SLC9A3: variants seen among roughly 807,000 people sequenced by gnomAD.
SLC9A3 encodes solute carrier family 9 member A3.
A neutral mutation model predicts 86.8 loss-of-function variants in SLC9A3; 37 were observed. The ratio of observed to expected loss-of-function variants is 0.43; its 90% CI spans 0.33 to 0.56. The LOEUF is 0.56. SLC9A3 is among the 20% of genes least tolerant of loss of function. The pLI, the probability that SLC9A3 is intolerant of heterozygous loss-of-function variation, is 0.06. For synonymous variants in SLC9A3, 581 were observed against 528.3 expected (o/e 1.10, Z -1.37); for missense variants, 1,011 against 1,171.9 (o/e 0.86, Z 2.00).
In SLC9A3 at chr5:514,616, G is replaced by A. The variant is rs150571350; in HGVS notation, c.211+9496C>T. Among the ~76,000 whole-genome samples the A allele has an allele frequency of 8.6e-4, 131 of 152,352 alleles. 1 individual carries two copies. In the South Asian group the frequency reaches 0.01, roughly 12 times the overall value. On this transcript the variant is annotated intron_variant, in intron 1 of 16. Coordinates refer to ENST00000264938, the MANE Select transcript of SLC9A3 (RefSeq NM_004174.4). ...GTTCTAAGGGGAATCTGCCTTCACCGTCTGGTCAGCCCCGTGTCCTCTGCA... is the reference window on the plus strand; with the variant it reads ...GTTCTAAGGGGAATCTGCCTTCACCATCTGGTCAGCCCCGTGTCCTCTGCA...
intron 1 of SLC9A3, among the ~76,000 whole-genome samples, chr5:498,691 C>T (rs367963458): frequency 2.0e-5 from 3 of 152,054 alleles, no homozygotes; most frequent in South Asian, 2.1e-4. Flanking sequence ...CGTGAGCCAC[C>T]GTGCCTGGCC....
rs1391525898 is a variant in SLC9A3 at position 488,386 on chromosome 5, T to C, written c.605A>G (p.Glu202Gly). 2 of 1,611,960 alleles carry C rather than the reference T, an allele frequency of 1.2e-6. No individual in the cohort carries two copies. Among genetic ancestry groups the C allele is most frequent in the Non-Finnish European group, 1.7e-6 (2 of 1,179,438 alleles). ...GAACAGGACCTCGTTGACATGGACC[T>C]CCTCAAACACGGCCAGGACGGCCAC... ...DPVAVLAVFE[E>G]VHVNEVLFII... The change falls in exon 3 of 17, where the codon GAG becomes GGG. Residue 202 changes from glutamate (E) to glycine (G), a missense_variant. By Grantham distance (98) the Glu-to-Gly change is moderately conservative. Transcript: ENST00000264938.
intron 10 of SLC9A3, chr5:477,790 G>C (rs920418606): frequency 1.8e-5 from 4 of 225,662 alleles, no homozygotes; most frequent in African/African-American, 9.3e-5. Context: ...CATTGAAGTG[G>C]TCTCTGTCCC....
At chr5:492,512 C>A (rs113593180) in intron 1 of SLC9A3, among the ~76,000 whole-genome samples, 162 of 152,024 alleles carry the variant, frequency 1.1e-3, no homozygotes, top group African/African-American at 3.8e-3. Context: ...CTGCAGGCAT[C>A]TAAGACCTCC....
rs72700695 is a variant in SLC9A3, at chr5:484,508, G to T, written c.932+12C>A. On this transcript the variant is annotated intron_variant, in intron 5 of 16. Coordinates refer to ENST00000264938, the MANE Select transcript of SLC9A3 (RefSeq NM_004174.4). Reference sequence around the variant, plus strand: ...GGGCGTGGAGAAGCTCGCGTGTGTGGGAGGGACTCACGCGAGGATGGCCGA... The same window carrying T: ...GGGCGTGGAGAAGCTCGCGTGTGTGTGAGGGACTCACGCGAGGATGGCCGA... 1.6e-3 allele frequency: 2,559 copies of T among 1,611,622 alleles called. 2 individuals carry two copies. Among genetic ancestry groups the T allele is most frequent in the Non-Finnish European group, 1.9e-3 (2,203 of 1,178,670 alleles).
In SLC9A3 at chr5:507,166, CTTTT is replaced by C. The variant is rs778066069; in HGVS notation, c.212-15099_212-15096del. On this transcript the variant is annotated intron_variant, in intron 1 of 16. Transcript: ENST00000264938. ...AGAAGGAGGGATCCGGCTGCTGCTTCTTTTTTTTTTTTTTTTTTTTGAGACGGAG... is the reference window on the plus strand; with the variant it reads ...AGAAGGAGGGATCCGGCTGCTGCTTCTTTTTTTTTTTTTTTTGAGACGGAG... Among the ~76,000 whole-genome samples, 2 of 30,668 alleles carry C rather than the reference CTTTT, an allele frequency of 6.5e-5. 1 individual carries two copies. The highest frequency in any genetic ancestry group is 1.2e-4 in the Non-Finnish European group (2 of 16,400). The allele number at this position is 30,668 out of a possible 152,430, so 20.1% of individuals were successfully genotyped here.
At chr5:516,919 C>T (rs1241422986) in intron 1 of SLC9A3, among the ~76,000 whole-genome samples, 1 of 152,218 alleles carries the variant, frequency 6.6e-6, no homozygotes, top group East Asian at 1.9e-4. Context: ...GGAGCTGAGA[C>T]AGCCTCTTCC....
chr5:501,660 A>G (rs1579807431), intron 1 of SLC9A3, among the ~76,000 whole-genome samples: 1 of 151,966 alleles, frequency 6.6e-6, no homozygotes, highest in Non-Finnish European at 1.5e-5. Context: ...GTTCTCTGCC[A>G]CCCGCCCCTG....
chr5:486,861 G>A (rs991052066), intron 3 of SLC9A3, among the ~76,000 whole-genome samples: 1 of 130,668 alleles, frequency 7.7e-6, no homozygotes, highest in Non-Finnish European at 1.7e-5. Context: ...CTGACACCGT[G>A]ATCCAGACCG....
In SLC9A3 at chr5:473,025, G is replaced by T; in HGVS notation, c.*354C>A. The T allele has an allele frequency of 2.4e-6, 1 of 424,818 alleles. No homozygotes were observed. Among genetic ancestry groups the T allele is most frequent in the South Asian group, 4.2e-5 (1 of 24,006 alleles). 26.3% of individuals were successfully genotyped at this position (424,818 alleles called of 1,614,324 possible). Reference sequence around the variant, plus strand: ...CGGTGCGTGGCACGAGGGCGGCAGCGACGCCAGCTTCAGCAGCGCGGGGCG... The same window carrying T: ...CGGTGCGTGGCACGAGGGCGGCAGCTACGCCAGCTTCAGCAGCGCGGGGCG... On this transcript the variant is annotated 3_prime_UTR_variant, in exon 17 of 17. Transcript: ENST00000264938.
At chr5:500,823 T>TGGGGCTGGTGGGTGTGGAC (rs1192101562) in intron 1 of SLC9A3, among the ~76,000 whole-genome samples, 5 of 58,146 alleles carry the variant, frequency 8.6e-5, no homozygotes, top group African/African-American at 3.7e-4. Flanking sequence ...CAGGCGTGGA[T>TGGGGCTGGTGGGTGTGGAC]GGGGCTGGTG....
intron 1 of SLC9A3, among the ~76,000 whole-genome samples, chr5:492,855 C>G (rs1162745713): frequency 6.6e-6 from 1 of 152,088 alleles, no homozygotes; most frequent in Admixed American, 6.6e-5. Flanking sequence ...GAGGCTGTGG[C>G]CCCCTCTCCT....
intron 3 of SLC9A3, 114 bp from the exon 4 acceptor site, chr5:485,345 G>T: frequency 1.2e-6 from 1 of 818,388 alleles, no homozygotes; most frequent in Non-Finnish European, 2.1e-6. Flanking sequence ...ACCCGAGGCC[G>T]TTGGAAGGAA....
chr5:489,846 C>T lies in SLC9A3; in HGVS notation c.515-1370G>A, dbSNP rs192896761. On this transcript the variant is annotated intron_variant, in intron 2 of 16. Transcript: ENST00000264938. ...CAGCCTTCCCGTCTGGACAGTTGCC[C>T]ACGGCCGTGCCAGGAGGGCTCATGC... is the stretch of plus-strand genomic sequence containing the variant. Among the ~76,000 whole-genome samples, 59 of 152,340 alleles carry T rather than the reference C, an allele frequency of 3.9e-4. No individual in the cohort carries two copies. In the East Asian group the frequency reaches 9.6e-3, roughly 25 times the overall value.
In SLC9A3 at chr5:493,307, C is replaced by A. The variant is rs561261836; in HGVS notation, c.212-1236G>T. Among the ~76,000 whole-genome samples, 4 of 152,338 alleles carry A rather than the reference C, an allele frequency of 2.6e-5. No homozygotes were observed. The South Asian group carries it at 6.2e-4, about 24-fold the overall frequency. ...AGTTGTCTCCTGAGATGGCCAAGAC[C>A]CCATTTAAGCACAGAGCAGCGGGAG... On this transcript the variant is annotated intron_variant, in intron 1 of 16. Coordinates refer to ENST00000264938, the MANE Select transcript of SLC9A3 (RefSeq NM_004174.4).
Position 524,306 on chromosome 5 carries a change from G to C in SLC9A3, c.17C>G (p.Ala6Gly). The C allele has an allele frequency of 7.8e-7, 1 of 1,281,626 alleles. No individual in the cohort carries two copies. The highest frequency in any genetic ancestry group is 9.9e-7 in the Non-Finnish European group (1 of 1,010,616). The allele number at this position is 1,281,626 out of a possible 1,614,324, so 79.4% of individuals were successfully genotyped here. A position where few individuals can be genotyped will look rare whatever the true frequency, so the allele number is the denominator to read the frequency against. The change falls in exon 1 of 17, where the codon GCC becomes GGC. Residue 6 changes from alanine (A) to glycine (G), a missense_variant. This residue lies in a region of SLC9A3 where 49 missense variants were observed against 35.6 expected (regional missense o/e 1.38). Transcript: ENST00000264938. ...CAGCAGCCCCCGGTCGGGGCCCCGG[G>C]CCCCGAGTCCCCACATTGCCGCCTG... MWGLG[A>G]RGPDRGLLLA... is the part of the protein sequence containing the mutation.
Position 473,326 on chromosome 5 carries a change from G to A in SLC9A3, c.*53C>T, listed in dbSNP as rs1738505723. ...TCTGGGACAGCGGCGGCGGCGGTGG[G>A]CGGACCGTGGCGCGGGGACGAGCGG... On this transcript the variant is annotated 3_prime_UTR_variant, in exon 17 of 17. Transcript: ENST00000264938. 4 of 1,402,698 alleles carry A rather than the reference G, an allele frequency of 2.9e-6. No individual in the cohort carries two copies. The highest frequency in any genetic ancestry group is 1.5e-5 in the African/African-American group (1 of 66,870). The allele number at this position is 1,402,698 out of a possible 1,614,324, so 86.9% of individuals were successfully genotyped here.
chr5:481,142 A>G (rs1340891642), intron 9 of SLC9A3, among the ~76,000 whole-genome samples: 3 of 152,218 alleles, frequency 2.0e-5, no homozygotes, highest in Admixed American at 6.5e-5. Flanking sequence ...TGACCACCTC[A>G]GTCTCCCAAA....
At chr5:483,086 C>T (rs1490625739) in intron 6 of SLC9A3, among the ~76,000 whole-genome samples, 176 bp downstream of exon 6, 5 of 152,064 alleles carry the variant, frequency 3.3e-5, no homozygotes, top group Non-Finnish European at 7.4e-5. Context: ...AAGTGGTTTC[C>T]CTTGGGGTTC....
Sources: allele counts gnomAD v4.1 joint callset (sites outside exome capture counted in the v4.1 genomes callset), GRCh38; gene constraint gnomAD v4.1.1; regional missense constraint gnomAD v4.1.1; transcripts MANE v1.5; gene names NCBI Gene and HGNC (gene_info 2026-07-23, HGNC 2026-07-21).